The following KIAA1328 variants were observed in gnomAD, a reference collection of about 807,000 sequenced individuals.
KIAA1328 encodes protein hinderin.
KIAA1328 carries 52 observed loss-of-function variants against 68.1 expected under a neutral mutation model. The ratio of observed to expected loss-of-function variants is 0.76; its 90% CI spans 0.61 to 0.96. The LOEUF is 0.96. KIAA1328 is among the 40% of genes least tolerant of loss of function. KIAA1328 has a pLI of 0.00. For missense variants in KIAA1328, 641 were observed against 677.6 expected (o/e 0.95, Z 0.60); for synonymous variants, 232 against 239.4 (o/e 0.97, Z 0.28).
At chr18:37,164,562 T>C (rs2059347500) in intron 8 of KIAA1328, among the ~76,000 whole-genome samples, 1 of 151,984 alleles carries the variant, frequency 6.6e-6, no homozygotes, top group Non-Finnish European at 1.5e-5. Context: ...CTGGCCAACA[T>C]GGTGAAATCC....
At chr18:36,923,698 A>G (rs760140830) in intron 5 of KIAA1328, 2 of 152,252 alleles carry the variant, frequency 1.3e-5, no homozygotes, top group Non-Finnish European at 2.9e-5. Context: ...GCTACACTGT[A>G]TAGTATGGTG....
chr18:36,962,099 AAAAT>A (rs1429646271), intron 6 of KIAA1328, among the ~76,000 whole-genome samples: 1 of 152,224 alleles, frequency 6.6e-6, no homozygotes, highest in African/African-American at 2.4e-5. Context: ...ACATAGGCTC[AAAAT>A]AAAGGGATGG....
At chr18:37,042,533 G>A (rs2055297741) in intron 6 of KIAA1328, among the ~76,000 whole-genome samples, 1 of 152,064 alleles carries the variant, frequency 6.6e-6, no homozygotes, top group African/African-American at 2.4e-5. Flanking sequence ...TTAGTTGACA[G>A]TTTATTTTTT....
chr18:36,885,686 A>C lies in KIAA1328; in HGVS notation c.448+14A>C. ...AAGAAAGGGAAGATATCCTTTTGAAAGTTCTCTTTTTTAACGTTCAAGAAG... is the reference window on the plus strand; with the variant it reads ...AAGAAAGGGAAGATATCCTTTTGAACGTTCTCTTTTTTAACGTTCAAGAAG... On this transcript the variant is annotated intron_variant, in intron 5 of 9. Coordinates refer to ENST00000280020, the MANE Select transcript of KIAA1328 (RefSeq NM_020776.3). 2 of 1,465,686 alleles carry C rather than the reference A, an allele frequency of 1.4e-6. No homozygotes were observed. Among genetic ancestry groups the C allele is most frequent in the Non-Finnish European group, 1.9e-6 (2 of 1,075,170 alleles). 90.8% of individuals were successfully genotyped at this position (1,465,686 alleles called of 1,614,324 possible).
At chr18:36,854,759 T>C (rs1468519983) in intron 4 of KIAA1328, among the ~76,000 whole-genome samples, 1 of 152,196 alleles carries the variant, frequency 6.6e-6, no homozygotes, top group Non-Finnish European at 1.5e-5. Context: ...AATCTTTATC[T>C]AGTTTGAGAA....
At chr18:36,943,094 A>G (rs1487927609) in intron 5 of KIAA1328, among the ~76,000 whole-genome samples, 1 of 152,194 alleles carries the variant, frequency 6.6e-6, no homozygotes, top group Non-Finnish European at 1.5e-5. Context: ...AGGAGCTAAC[A>G]ATGTACCTGG....
At chr18:36,881,115 T>C (rs2048315059) in intron 4 of KIAA1328, among the ~76,000 whole-genome samples, 2 of 151,176 alleles carry the variant, frequency 1.3e-5, no homozygotes, top group African/African-American at 4.9e-5. Context: ...TGATAACCAG[T>C]AAGTATTAGA....
rs569118418 is a variant in KIAA1328 at position 36,957,653 on chromosome 18, A to G, written c.449-1655A>G. Among the ~76,000 whole-genome samples the G allele has an allele frequency of 2.2e-4, 33 of 152,242 alleles. 1 individual carries two copies. Among genetic ancestry groups the G allele is most frequent in the South Asian group, 2.1e-3 (10 of 4,830 alleles). The stretch of plus-strand genomic sequence containing the variant: ...TGATGGTTTTATTAATGAAATATTG[A>G]CTTAACTGAAAAACTTAACAAAAAA... On this transcript the variant is annotated intron_variant, in intron 5 of 9. Coordinates refer to ENST00000280020, the MANE Select transcript of KIAA1328 (RefSeq NM_020776.3).
intron 3 of KIAA1328, among the ~76,000 whole-genome samples, chr18:36,841,925 G>GT (rs571026491): frequency 9.6e-4 from 139 of 145,366 alleles, no homozygotes; most frequent in African/African-American, 2.9e-3. Context: ...GAGATTTCTT[G>GT]TTTTTTTTTC....
rs368327743 is a variant in KIAA1328, at chr18:36,885,739, C to T, written c.448+67C>T. On this transcript the variant is annotated intron_variant, in intron 5 of 9. Coordinates refer to ENST00000280020, the MANE Select transcript of KIAA1328 (RefSeq NM_020776.3). ...TGACTATTTCTTTTTTTTTTTGAGACGAAATCTCGCTCTTGTCGCCTAGGC... is the reference window on the plus strand; with the variant it reads ...TGACTATTTCTTTTTTTTTTTGAGATGAAATCTCGCTCTTGTCGCCTAGGC... 1.4e-4 allele frequency: 142 copies of T among 1,032,666 alleles called. 2 individuals are homozygous for T. Among genetic ancestry groups the T allele is most frequent in the East Asian group, 7.1e-4 (26 of 36,772 alleles). 64.0% of individuals were successfully genotyped at this position (1,032,666 alleles called of 1,614,324 possible).
At chr18:36,883,800 C>G (rs2048398051) in intron 4 of KIAA1328, among the ~76,000 whole-genome samples, 1 of 151,936 alleles carries the variant, frequency 6.6e-6, no homozygotes, top group South Asian at 2.1e-4. Flanking sequence ...AATTTCAGGT[C>G]TTTATACTTT....
chr18:36,835,267 A>G lies in KIAA1328; in HGVS notation c.128A>G (p.His43Arg). 6.2e-7 allele frequency: 1 copy of G among 1,613,426 alleles called. No homozygotes were observed. The highest frequency in any genetic ancestry group is 8.5e-7 in the Non-Finnish European group (1 of 1,179,598). The change falls in exon 3 of 10, where the codon CAC becomes CGC. Residue 43 changes from histidine to arginine, a missense_variant. His to Arg is a conservative substitution (Grantham distance 29). Coordinates refer to ENST00000280020, the MANE Select transcript of KIAA1328 (RefSeq NM_020776.3). ...ISAEGNVRSR[H>R]KLMSPKADVK... Reference sequence around the variant, plus strand: ...GCTGAAGGAAATGTCAGATCAAGACACAAGCTGATGAGTCCAAAAGCTGAT... The same window carrying G: ...GCTGAAGGAAATGTCAGATCAAGACGCAAGCTGATGAGTCCAAAAGCTGAT...
At chr18:36,938,774 G>C (rs1259743595) in intron 5 of KIAA1328, among the ~76,000 whole-genome samples, 1 of 152,122 alleles carries the variant, frequency 6.6e-6, no homozygotes, top group Non-Finnish European at 1.5e-5. Context: ...GTGAGAGATA[G>C]TGGGTCTAGT....
At chr18:36,878,235 T>C (rs1404047356) in intron 4 of KIAA1328, among the ~76,000 whole-genome samples, 2 of 152,172 alleles carry the variant, frequency 1.3e-5, no homozygotes, top group Admixed American at 1.3e-4. Context: ...ACAAAATCTC[T>C]CAGGGTTTGC....
intron 6 of KIAA1328, among the ~76,000 whole-genome samples, chr18:37,018,118 A>T (rs960681871): frequency 1.3e-5 from 2 of 152,114 alleles, no homozygotes; most frequent in African/African-American, 4.8e-5. Context: ...TTCCATACTT[A>T]GAACTCCCGT....
At chr18:37,126,408 A>G (rs1250832108) in intron 7 of KIAA1328, among the ~76,000 whole-genome samples, 1 of 152,164 alleles carries the variant, frequency 6.6e-6, no homozygotes, top group Non-Finnish European at 1.5e-5. Context: ...GAAAAAATAG[A>G]TAATGTGAAT....
chr18:37,160,680 A>G (rs554190972), intron 8 of KIAA1328, among the ~76,000 whole-genome samples: 12 of 152,334 alleles, frequency 7.9e-5, no homozygotes, highest in African/African-American at 2.9e-4. Flanking sequence ...CCAAGTGAGT[A>G]AAGAGGGCAA....
At chr18:37,158,244 G>C (rs1263722366) in intron 7 of KIAA1328, among the ~76,000 whole-genome samples, 1 of 152,038 alleles carries the variant, frequency 6.6e-6, no homozygotes, top group Non-Finnish European at 1.5e-5. Flanking sequence ...TTGCTGTGAT[G>C]CCCAGTCCGA....
At chr18:36,876,464 A>G (rs1213022156) in intron 4 of KIAA1328, among the ~76,000 whole-genome samples, 2 of 152,076 alleles carry the variant, frequency 1.3e-5, no homozygotes, top group Non-Finnish European at 2.9e-5. Context: ...ATTTGTGTAG[A>G]GGTGTTTATA....
Sources: gnomAD v4.1 joint callset for allele counts (sites outside exome capture counted in the v4.1 genomes callset) on GRCh38, gnomAD v4.1.1 for gene constraint, MANE v1.5 for transcripts, NCBI Gene and HGNC (gene_info 2026-07-23, HGNC 2026-07-21) for gene names.